L3MBTL4: variants seen among roughly 807,000 people sequenced by gnomAD.
The protein encoded by L3MBTL4 is L3MBTL histone methyl-lysine binding protein 4, also known as lethal(3)malignant brain tumor-like protein 4.
Under a neutral mutation model 84.5 loss-of-function variants are expected in L3MBTL4, and 70 were observed. The observed-to-expected ratio is 0.83, with a 90% CI of 0.68 to 1.01. L3MBTL4 has a LOEUF of 1.01. Among genes scored for constraint, L3MBTL4 ranks in the 50% least tolerant of loss-of-function variants. L3MBTL4 has a pLI of 0.00. For synonymous variants in L3MBTL4, 274 were observed against 259.8 expected, an observed-to-expected ratio of 1.05 and a Z score of -0.52; for missense variants, 715 against 754.8, an observed-to-expected ratio of 0.95 and a Z score of 0.62.
intron 15 of L3MBTL4, among the ~76,000 whole-genome samples, chr18:6,086,350 C>A (rs2058258705): frequency 6.6e-6 from 1 of 152,148 alleles, no homozygotes; most frequent in South Asian, 2.1e-4. Flanking sequence ...TGAGCCAAGG[C>A]AGGATTCCAG....
At chr18:6,406,118 T>G (rs2055724384) in intron 1 of L3MBTL4, among the ~76,000 whole-genome samples, 1 of 152,212 alleles carries the variant, frequency 6.6e-6, no homozygotes, top group Non-Finnish European at 1.5e-5. Flanking sequence ...ACAACTTTAT[T>G]GCAAAATCTG....
At chr18:6,170,542 G>T (rs1382082322) in intron 13 of L3MBTL4, among the ~76,000 whole-genome samples, 1 of 152,148 alleles carries the variant, frequency 6.6e-6, no homozygotes, top group Non-Finnish European at 1.5e-5. Context: ...TTGGTTTGAT[G>T]CATAGACTCT....
intron 4 of L3MBTL4, among the ~76,000 whole-genome samples, chr18:6,284,141 T>C (rs906003980): frequency 1.3e-5 from 2 of 152,200 alleles, no homozygotes; most frequent in South Asian, 2.1e-4. Context: ...CAATTATGCA[T>C]ACGAAGTCAG....
chr18:6,118,377 G>A (rs998853483), intron 14 of L3MBTL4, among the ~76,000 whole-genome samples: 1 of 152,118 alleles, frequency 6.6e-6, no homozygotes, highest in South Asian at 2.1e-4. Flanking sequence ...ACTGGATCCA[G>A]AGATGTTCAC....
At chr18:6,094,641 C>A (rs143641547) in intron 14 of L3MBTL4, among the ~76,000 whole-genome samples, 1 of 152,268 alleles carries the variant, frequency 6.6e-6, no homozygotes, top group African/African-American at 2.4e-5. Flanking sequence ...TAAATCCATT[C>A]TGAATACATG....
intron 14 of L3MBTL4, among the ~76,000 whole-genome samples, chr18:6,106,361 T>C (rs2059007047): frequency 6.6e-6 from 1 of 152,254 alleles, no homozygotes; most frequent in South Asian, 2.1e-4. Context: ...TATTGGTGGT[T>C]GTATATGGAG....
chr18:6,158,348 G>A (rs1418253836), intron 13 of L3MBTL4, among the ~76,000 whole-genome samples: 1 of 152,196 alleles, frequency 6.6e-6, no homozygotes, highest in African/African-American at 2.4e-5. Flanking sequence ...TCTAAGAAGG[G>A]ACCATTCAAG....
intron 16 of L3MBTL4, among the ~76,000 whole-genome samples, chr18:5,978,906 G>A (rs1329354251): frequency 6.6e-6 from 1 of 152,134 alleles, no homozygotes; most frequent in African/African-American, 2.4e-5. Flanking sequence ...CTCCCACAAC[G>A]GGAGGGGCAG....
At chr18:6,252,157 C>T (rs370181455) in intron 5 of L3MBTL4, among the ~76,000 whole-genome samples, 1 of 151,964 alleles carries the variant, frequency 6.6e-6, no homozygotes, top group African/African-American at 2.4e-5. Flanking sequence ...ACTAAAAATA[C>T]AAAAAATTAG....
intron 12 of L3MBTL4, among the ~76,000 whole-genome samples, chr18:6,187,313 A>G (rs1339257131): frequency 6.6e-6 from 1 of 152,168 alleles, no homozygotes; most frequent in Admixed American, 6.5e-5. Flanking sequence ...AAAAGAAGTT[A>G]TAATTTCAAG....
chr18:6,163,127 G>A (rs1266114461), intron 13 of L3MBTL4, among the ~76,000 whole-genome samples: 2 of 151,990 alleles, frequency 1.3e-5, no homozygotes, highest in African/African-American at 4.8e-5. Context: ...CTCAAATGTT[G>A]TTTTGTTAGA....
In L3MBTL4 at chr18:5,960,227, C is replaced by G. The variant is rs2095256968; in HGVS notation, c.1615-71G>C. 4 of 839,174 alleles carry G rather than the reference C, an allele frequency of 4.8e-6. No individual in the cohort carries two copies. The Admixed American group carries it at 9.2e-5, about 19-fold the overall frequency. 52.0% of individuals were successfully genotyped at this position (839,174 alleles called of 1,614,324 possible). A position where few individuals can be genotyped will look rare whatever the true frequency, so the allele number is the denominator to read the frequency against. Reference sequence around the variant, plus strand: ...TAATTTGGGGGTTGCAGTAATCCAACATTTAAGTAAAATATACTTAAAATC... The same window carrying G: ...TAATTTGGGGGTTGCAGTAATCCAAGATTTAAGTAAAATATACTTAAAATC... On this transcript the variant is annotated intron_variant, in intron 17 of 18. Transcript: ENST00000317931.
intron 16 of L3MBTL4, among the ~76,000 whole-genome samples, chr18:6,044,307 G>A (rs746617994): frequency 5.3e-5 from 8 of 152,176 alleles, no homozygotes; most frequent in African/African-American, 9.7e-5. Flanking sequence ...AAAACACGTC[G>A]ATGATTCCTT....
At chr18:6,103,270 TAA>T (rs1300061949) in intron 14 of L3MBTL4, among the ~76,000 whole-genome samples, 4 of 152,238 alleles carry the variant, frequency 2.6e-5, no homozygotes, top group Non-Finnish European at 5.9e-5. Flanking sequence ...ATTATAGTGA[TAA>T]GTTTGTGTCT....
chr18:6,184,770 G>A (rs75737290), intron 12 of L3MBTL4, among the ~76,000 whole-genome samples: 3 of 152,250 alleles, frequency 2.0e-5, no homozygotes, highest in East Asian at 1.9e-4. Context: ...GGGGAGAAAC[G>A]AGAGCTCCAC....
intron 1 of L3MBTL4, among the ~76,000 whole-genome samples, chr18:6,358,590 CA>C (rs1203540234): frequency 6.6e-6 from 1 of 152,212 alleles, no homozygotes; most frequent in Non-Finnish European, 1.5e-5. Context: ...AAGAAAGTGA[CA>C]CCTGGTCAAG....
At position 6,052,282 on chromosome 18, in the gene L3MBTL4, C is replaced by T. The variant is rs76101697; in HGVS notation, c.1444+28599G>A. 1.2e-3 allele frequency among the ~76,000 whole-genome samples: 178 copies of T among 152,266 alleles called. 1 individual carries two copies. The highest frequency in any genetic ancestry group is 3.4e-3 in the Middle Eastern group (1 of 294). Reference sequence around the variant, plus strand: ...GGAAATTCCTATTAACTGGCATGGTCGCATGGATAAATACAATTTAAAGTG... The same window carrying T: ...GGAAATTCCTATTAACTGGCATGGTTGCATGGATAAATACAATTTAAAGTG... On this transcript the variant is annotated intron_variant, in intron 16 of 18. Coordinates refer to ENST00000317931, the MANE Select transcript of L3MBTL4 (RefSeq NM_001330559.2).
At chr18:6,297,541 A>G (rs1408786588) in intron 4 of L3MBTL4, among the ~76,000 whole-genome samples, 1 of 152,200 alleles carries the variant, frequency 6.6e-6, no homozygotes, top group Non-Finnish European at 1.5e-5. Flanking sequence ...AATTTTTCCA[A>G]AAATAAAAGT....
At chr18:5,994,177 C>A (rs1318840015) in intron 16 of L3MBTL4, among the ~76,000 whole-genome samples, 1 of 152,204 alleles carries the variant, frequency 6.6e-6, no homozygotes, top group Non-Finnish European at 1.5e-5. Flanking sequence ...CTAGGCACTG[C>A]GCAGTGAACC....
Sources: allele counts gnomAD v4.1 joint callset (sites outside exome capture counted in the v4.1 genomes callset), GRCh38; gene constraint gnomAD v4.1.1; transcripts MANE v1.5; gene names NCBI Gene and HGNC (gene_info 2026-07-23, HGNC 2026-07-21).